Variants in EFR3A observed in about 807,000 individuals in gnomAD.
The protein encoded by EFR3A is protein EFR3 homolog A.
In EFR3A, 76 loss-of-function variants were observed where a neutral mutation model predicts 104.4. The ratio of observed to expected loss-of-function variants is 0.73; its 90% CI spans 0.60 to 0.88. The LOEUF is 0.88. Ranked by LOEUF, EFR3A falls within the 40% of genes least tolerant of loss-of-function variation. The pLI is 0.00. For synonymous variants in EFR3A, 330 were observed against 330.0 expected (o/e 1.00, Z 0.00); for missense variants, 985 against 1,012.5 (o/e 0.97, Z 0.37).
chr8:131,988,646 T>TA (rs1461109465), intron 18 of EFR3A, among the ~76,000 whole-genome samples: 1 of 152,010 alleles, frequency 6.6e-6, no homozygotes, highest in Non-Finnish European at 1.5e-5. Flanking sequence ...TTTAAAATAT[T>TA]AAAAAAACAT....
intron 1 of EFR3A, among the ~76,000 whole-genome samples, chr8:131,906,876 A>T (rs1233318360): frequency 3.3e-5 from 5 of 152,174 alleles, no homozygotes; most frequent in African/African-American, 1.2e-4. Context: ...CCTTTATTTC[A>T]TTCTCCATTC....
chr8:131,918,643 T>A (rs7007556), intron 1 of EFR3A, among the ~76,000 whole-genome samples: 6,177 of 152,252 alleles, frequency 0.041, 301 homozygotes, highest in East Asian at 0.12. Flanking sequence ...TGTAATCATC[T>A]CAATTCAAAT....
intron 1 of EFR3A, among the ~76,000 whole-genome samples, chr8:131,908,247 A>C (rs1816347371): frequency 6.6e-6 from 1 of 151,900 alleles, no homozygotes; most frequent in African/African-American, 2.4e-5. Context: ...TTTTTAGTAG[A>C]GATGGGATTT....
chr8:131,938,200 C>G (rs1010230679), intron 1 of EFR3A: 2 of 397,146 alleles, frequency 5.0e-6, no homozygotes, highest in South Asian at 1.3e-4. Context: ...TCAGAAAGAT[C>G]GACTAGAAAA....
At chr8:131,926,737 A>G (rs193119902) in intron 1 of EFR3A, among the ~76,000 whole-genome samples, 82 of 152,192 alleles carry the variant, frequency 5.4e-4, no homozygotes, top group African/African-American at 1.8e-3. Flanking sequence ...CTCCCTCCTT[A>G]GCCTCCCGAG....
chr8:131,977,138 C>A, intron 12 of EFR3A, 46 bp downstream of exon 12: 2 of 1,359,400 alleles, frequency 1.5e-6, no homozygotes, highest in Non-Finnish European at 1.0e-6. Context: ...CCTTAAATTA[C>A]TGAAAACATT....
chr8:131,941,152 C>G (rs990649473), intron 2 of EFR3A, among the ~76,000 whole-genome samples: 7 of 151,954 alleles, frequency 4.6e-5, no homozygotes, highest in African/African-American at 1.7e-4. Context: ...TAGAAGAGAA[C>G]TGAGAGGTAA....
chr8:131,945,221 CAG>C (rs748679523), intron 3 of EFR3A, among the ~76,000 whole-genome samples: 4 of 151,902 alleles, frequency 2.6e-5, no homozygotes, highest in African/African-American at 4.8e-5. Flanking sequence ...TGAAAACAAA[CAG>C]AAAGATCCTG....
At position 131,968,355 on chromosome 8, in the gene EFR3A, G is replaced by C; in HGVS notation, c.916G>C (p.Asp306His). ...AGGACACCTTGATGCTCGTAAAAAA[G>C]ATGCTCCCCGGGTTCGAGCAGGTAT... ...ILGHLDARKK[D>H]APRVRAGIIQ... is the part of the protein sequence containing the mutation. Residue 306 changes from aspartate to histidine, a missense_variant, in exon 9 of 23, where the codon GAT (aspartate) becomes CAT (histidine). By Grantham distance (81) the Asp-to-His change is moderately conservative. Coordinates refer to ENST00000254624, the MANE Select transcript of EFR3A (RefSeq NM_015137.6). 1 of 1,613,536 alleles carries C rather than the reference G, an allele frequency of 6.2e-7. No individual in the cohort carries two copies. Among genetic ancestry groups the C allele is most frequent in the Non-Finnish European group, 8.5e-7 (1 of 1,179,612 alleles).
intron 21 of EFR3A, 32 bp from the exon 22 acceptor site, chr8:132,003,204 A>G: frequency 6.3e-7 from 1 of 1,580,670 alleles, no homozygotes; most frequent in Non-Finnish European, 8.7e-7. Context: ...CTAGAAAATA[A>G]ACCATTCTTA....
chr8:131,985,950 T>C (rs529385783), intron 16 of EFR3A, among the ~76,000 whole-genome samples: 2 of 152,332 alleles, frequency 1.3e-5, no homozygotes, highest in African/African-American at 4.8e-5. Context: ...TGTGTCATCA[T>C]TTTTTGCTTT....
At chr8:131,966,838 T>G (rs562374227) in intron 8 of EFR3A, among the ~76,000 whole-genome samples, 9 of 152,310 alleles carry the variant, frequency 5.9e-5, no homozygotes, top group African/African-American at 2.2e-4. Context: ...GAAACCTCAG[T>G]ACACATGACT....
At chr8:131,912,331 T>G (rs1816548696) in intron 1 of EFR3A, among the ~76,000 whole-genome samples, 1 of 152,086 alleles carries the variant, frequency 6.6e-6, no homozygotes, top group Non-Finnish European at 1.5e-5. Flanking sequence ...TGAAGAAAGA[T>G]TCAAAATTAA....
chr8:131,935,754 A>C (rs1817847694), intron 1 of EFR3A, among the ~76,000 whole-genome samples: 1 of 152,118 alleles, frequency 6.6e-6, no homozygotes, highest in African/African-American at 2.4e-5. Context: ...CTTTATCCCA[A>C]GTAGCCAGTG....
In EFR3A at chr8:132,012,252, A is replaced by C. The variant is rs2130831485; in HGVS notation, c.*1357A>C. 6.6e-6 allele frequency: 1 copy of C among 152,306 alleles called. No individual in the cohort carries two copies. The highest frequency in any genetic ancestry group is 1.5e-5 in the Non-Finnish European group (1 of 68,028). The allele number at this position is 152,306 out of a possible 1,614,324, so 9.4% of individuals were successfully genotyped here. ...TGTTTTTGTTTAAAAAATTGCAGTGAAGAATGGGATGTTTGTGTTTATGGC... is the reference window on the plus strand; with the variant it reads ...TGTTTTTGTTTAAAAAATTGCAGTGCAGAATGGGATGTTTGTGTTTATGGC... On this transcript the variant is annotated 3_prime_UTR_variant, in exon 23 of 23. Coordinates refer to ENST00000254624, the MANE Select transcript of EFR3A (RefSeq NM_015137.6).
intron 10 of EFR3A, among the ~76,000 whole-genome samples, chr8:131,975,535 A>T (rs1217034327): frequency 6.7e-6 from 1 of 150,160 alleles, no homozygotes; most frequent in Non-Finnish European, 1.5e-5. Flanking sequence ...TCCTGCCTCA[A>T]CCTCCTGAGT....
At chr8:131,993,928 T>G (rs1246125073) in intron 18 of EFR3A, among the ~76,000 whole-genome samples, 1 of 151,794 alleles carries the variant, frequency 6.6e-6, no homozygotes, top group Non-Finnish European at 1.5e-5. Flanking sequence ...CTGGGACCTG[T>G]TGGAGGGTGG....
rs1437337890 is a variant in EFR3A at position 131,986,193 on chromosome 8, G to C, written c.1870-1G>C. 6.4e-7 allele frequency: 1 copy of C among 1,561,736 alleles called. No homozygotes were observed. The highest frequency in any genetic ancestry group is 8.8e-7 in the Non-Finnish European group (1 of 1,137,160). ...TTGTTCTGTTTTTGAATATTTTTTA[G>C]GTTATTGAAATTCGAACTATGGAAG... On this transcript the variant is annotated splice_acceptor_variant, in intron 16 of 22. Coordinates refer to ENST00000254624, the MANE Select transcript of EFR3A (RefSeq NM_015137.6). LOFTEE classifies it high-confidence loss of function.
intron 1 of EFR3A, among the ~76,000 whole-genome samples, chr8:131,907,915 T>C (rs527512477): frequency 6.6e-6 from 1 of 152,036 alleles, no homozygotes; most frequent in Admixed American, 6.6e-5. Flanking sequence ...TTTTTTGCAG[T>C]GACCTTTGGC....
Sources: gnomAD v4.1 joint callset for allele counts (sites outside exome capture counted in the v4.1 genomes callset) on GRCh38, gnomAD v4.1.1 for gene constraint, MANE v1.5 for transcripts, NCBI Gene and HGNC (gene_info 2026-07-23, HGNC 2026-07-21) for gene names.